Variants in DDX50 observed in about 807,000 individuals in gnomAD.
DDX50 encodes DExD-box helicase 50.
In DDX50, 56 loss-of-function variants were observed where a neutral mutation model predicts 94.8. That is an observed-to-expected ratio of 0.59 (90% CI 0.48 to 0.74). DDX50 has a LOEUF of 0.74. Ranked by LOEUF, DDX50 falls within the 30% of genes least tolerant of loss-of-function variation. DDX50 has a pLI of 0.00. For missense variants in DDX50, 713 were observed against 881.2 expected (o/e 0.81, Z 2.42); for synonymous variants, 264 against 295.4 (o/e 0.89, Z 1.09).
intron 14 of DDX50, 58 bp downstream of exon 14, chr10:68,943,315 G>C (rs963676133): frequency 3.5e-5 from 49 of 1,394,500 alleles, no homozygotes; most frequent in Non-Finnish European, 4.6e-5. Flanking sequence ...ATTTAGATTG[G>C]GATATTTTGG....
intron 2 of DDX50, among the ~76,000 whole-genome samples, chr10:68,908,633 T>C (rs539231680): frequency 7.0e-6 from 1 of 142,746 alleles, no homozygotes; most frequent in South Asian, 2.2e-4. Flanking sequence ...GTTTTTAAAA[T>C]TTCCTTTTTT....
At chr10:68,942,260 A>T (rs1842571773) in intron 13 of DDX50, among the ~76,000 whole-genome samples, 1 of 151,752 alleles carries the variant, frequency 6.6e-6, no homozygotes. Context: ...TTAAAACTGT[A>T]ATCTTGTGAC....
At chr10:68,930,062 T>TTC (rs1842212798) in intron 8 of DDX50, among the ~76,000 whole-genome samples, 2 of 135,092 alleles carry the variant, frequency 1.5e-5, no homozygotes, top group African/African-American at 3.7e-5. Context: ...TTCCTTCCTT[T>TTC]CTTTTCCTTC....
In DDX50 at chr10:68,934,650, C is replaced by G; in HGVS notation, c.1402-149C>G. 1.8e-6 allele frequency: 2 copies of G among 1,089,634 alleles called. No homozygotes were observed. Among genetic ancestry groups the G allele is most frequent in the Non-Finnish European group, 1.3e-6 (1 of 785,220 alleles). 67.5% of individuals were successfully genotyped at this position (1,089,634 alleles called of 1,614,324 possible). A position where few individuals can be genotyped will look rare whatever the true frequency, so the allele number is the denominator to read the frequency against. On this transcript the variant is annotated intron_variant, in intron 9 of 14. Transcript: ENST00000373585. This position sits in a 1 kb window ranked among gnomAD's most constrained non-coding sequence, Gnocchi z 4.0. ...AAGGTTTTAAATCATATTGCCTTTA[C>G]CCCAAAATCCACACATATAAATTGT... is the stretch of plus-strand genomic sequence containing the variant.
At chr10:68,915,329 C>T (rs1010928976) in intron 7 of DDX50, among the ~76,000 whole-genome samples, 23 of 151,760 alleles carry the variant, frequency 1.5e-4, no homozygotes, top group Non-Finnish European at 2.4e-4. Flanking sequence ...AGGAGAATGG[C>T]GTGAATCCGG....
chr10:68,919,769 C>CA, intron 7 of DDX50, 63 bp from the exon 8 acceptor site: 1 of 1,577,804 alleles, frequency 6.3e-7, no homozygotes, highest in South Asian at 1.2e-5. Flanking sequence ...AAAAAATACA[C>CA]AAGAGAAATA....
At chr10:68,926,809 T>TCAC in intron 8 of DDX50, among the ~76,000 whole-genome samples, 1 of 141,358 alleles carries the variant, frequency 7.1e-6, no homozygotes, top group Admixed American at 6.9e-5. Flanking sequence ...ACACACACAC[T>TCAC]TTTGGAAAAA....
chr10:68,916,701 G>T (rs955684597), intron 7 of DDX50, among the ~76,000 whole-genome samples: 1 of 151,776 alleles, frequency 6.6e-6, no homozygotes, highest in Non-Finnish European at 1.5e-5. Context: ...AATTTTTTTT[G>T]AGATGGAATT....
rs1298650548 is a variant in DDX50 at position 68,913,510 on chromosome 10, G to T, written c.877G>T (p.Asp293Tyr). The T allele has an allele frequency of 3.7e-6, 6 of 1,613,898 alleles. No individual in the cohort carries two copies. Reference sequence around the variant, plus strand: ...GCGACATGTTGTGCTTGATGAAGTGGATCAGATGTTAGATTTAGGTTTCGC... The same window carrying T: ...GCGACATGTTGTGCTTGATGAAGTGTATCAGATGTTAGATTTAGGTTTCGC... The part of the protein sequence containing the change: ...KLRHVVLDEV[D>Y]QMLDLGFAEQ... The change falls in exon 6 of 15, where the codon GAT becomes TAT. Residue 293 changes from aspartate (D) to tyrosine (Y), a missense_variant. Asp to Tyr is a radical substitution (Grantham distance 160). This residue lies in a region of DDX50 where 428 missense variants were observed against 602.3 expected (regional missense o/e 0.71). Transcript: ENST00000373585.
At chr10:68,907,989 A>C (rs1841506872) in intron 2 of DDX50, among the ~76,000 whole-genome samples, 1 of 152,236 alleles carries the variant, frequency 6.6e-6, no homozygotes, top group Admixed American at 6.5e-5. Context: ...AGCTGTATGA[A>C]TAAGTACTCT....
chr10:68,929,313 CTT>C (rs1491271304), intron 8 of DDX50, among the ~76,000 whole-genome samples: 3,327 of 142,020 alleles, frequency 0.023, 131 homozygotes, highest in African/African-American at 0.087. Context: ...CTCTCTCTCT[CTT>C]TCTTTCTCTT....
chr10:68,944,325 T>C (rs180801959), intron 14 of DDX50, among the ~76,000 whole-genome samples: 2 of 152,144 alleles, frequency 1.3e-5, no homozygotes, highest in Admixed American at 6.6e-5. Context: ...CTGTGTATAC[T>C]TTACTGTGTA....
intron 2 of DDX50, among the ~76,000 whole-genome samples, 195 bp from the exon 3 acceptor site, chr10:68,910,112 C>T (rs751677211): frequency 1.2e-4 from 18 of 151,574 alleles, no homozygotes; most frequent in South Asian, 4.1e-4. Context: ...GATTTGAGCC[C>T]GGAGGTTGAG....
chr10:68,916,303 G>A (rs1398039256), intron 7 of DDX50, among the ~76,000 whole-genome samples: 15 of 143,542 alleles, frequency 1.0e-4, no homozygotes, highest in Non-Finnish European at 2.1e-4. Context: ...GCGGTGAGCT[G>A]AGATTGCGCC....
At chr10:68,920,728 C>T (rs1841917466) in intron 8 of DDX50, among the ~76,000 whole-genome samples, 1 of 151,660 alleles carries the variant, frequency 6.6e-6, no homozygotes, top group African/African-American at 2.4e-5. Flanking sequence ...GGTGGATCGC[C>T]TGATGTCAGG....
intron 12 of DDX50, among the ~76,000 whole-genome samples, chr10:68,938,247 G>A (rs1842471953): frequency 6.6e-6 from 1 of 152,182 alleles, no homozygotes; most frequent in African/African-American, 2.4e-5. Context: ...TAACACAGTA[G>A]CATGCAAAGT....
At chr10:68,939,028 C>G (rs1842493558) in intron 12 of DDX50, among the ~76,000 whole-genome samples, 1 of 152,128 alleles carries the variant, frequency 6.6e-6, no homozygotes, top group South Asian at 2.1e-4. Flanking sequence ...CAAAGCTTGA[C>G]TTTTATATTT....
chr10:68,937,120 C>T (rs369473602), intron 12 of DDX50, 25 bp downstream of exon 12: 2 of 1,571,592 alleles, frequency 1.3e-6, no homozygotes, highest in African/African-American at 1.4e-5. Flanking sequence ...GAAAATTGTA[C>T]ATGAGTGGGA....
intron 1 of DDX50, among the ~76,000 whole-genome samples, chr10:68,902,557 A>T (rs796606845): frequency 3.3e-5 from 5 of 152,286 alleles, no homozygotes; most frequent in African/African-American, 1.2e-4. Context: ...TGTCACCATC[A>T]TCCATCTCCA....
Sources: allele counts gnomAD v4.1 joint callset (sites outside exome capture counted in the v4.1 genomes callset), GRCh38; gene constraint gnomAD v4.1.1; regional missense constraint gnomAD v4.1.1; non-coding constraint Gnocchi (gnomAD v3.1); transcripts MANE v1.5; gene names NCBI Gene and HGNC (gene_info 2026-07-23, HGNC 2026-07-21).